The following GABPA variants were observed in gnomAD, a reference collection of about 807,000 sequenced individuals.
The protein encoded by GABPA is GA binding protein transcription factor subunit alpha, also known as GA-binding protein alpha chain.
Under a neutral mutation model 59.4 loss-of-function variants are expected in GABPA, and 4 were observed. That is an observed-to-expected ratio of 0.07 (90% CI 0.03 to 0.15). The LOEUF is 0.15. GABPA is among the 10% of genes least tolerant of loss of function. The pLI, the probability that GABPA is intolerant of heterozygous loss-of-function variation, is 1.00. For missense variants in GABPA, 251 were observed against 543.8 expected (o/e 0.46, Z 5.36); for synonymous variants, 164 against 183.1 (o/e 0.90, Z 0.84).
intron 4 of GABPA, among the ~76,000 whole-genome samples, chr21:25,751,142 C>T (rs896225535): frequency 3.3e-5 from 5 of 151,964 alleles, no homozygotes; most frequent in Non-Finnish European, 5.9e-5. Context: ...AGGGCTAATT[C>T]CATTTTGAAT....
chr21:25,750,515 TATTC>T (rs2035483656), intron 4 of GABPA, among the ~76,000 whole-genome samples: 1 of 152,224 alleles, frequency 6.6e-6, no homozygotes, highest in Non-Finnish European at 1.5e-5. Flanking sequence ...CAGTCAACCT[TATTC>T]ATTACAGTAT....
At chr21:25,749,226 G>C (rs888352272) in intron 4 of GABPA, 106 bp downstream of exon 4, 1 of 661,416 alleles carries the variant, frequency 1.5e-6, no homozygotes, top group African/African-American at 1.8e-5. Flanking sequence ...TACTTGATAT[G>C]ATATAATAGC....
chr21:25,741,120 C>T, intron 1 of GABPA, among the ~76,000 whole-genome samples: 1 of 152,060 alleles, frequency 6.6e-6, no homozygotes, highest in East Asian at 1.9e-4. Flanking sequence ...TTATAAATGT[C>T]ATTTGTGGAT....
In GABPA at chr21:25,769,378, T is replaced by C. The variant is rs550003161; in HGVS notation, c.*146T>C. ...ATTTTTTTATAAATATTTCATACTC[T>C]TGTGAATTTGGATCTTTTTACTTTG... On this transcript the variant is annotated 3_prime_UTR_variant, in exon 10 of 10. Transcript: ENST00000400075. The C allele has an allele frequency of 5.1e-6, 3 of 587,626 alleles. No homozygotes were observed. In the African/African-American group the frequency reaches 5.6e-5, roughly 11 times the overall value. 36.4% of individuals were successfully genotyped at this position (587,626 alleles called of 1,614,324 possible).
rs71651637 is a variant in GABPA, at chr21:25,764,420, G to C, written c.943+70G>C. The C allele has an allele frequency of 1.4e-3, 2,013 of 1,464,322 alleles. 19 individuals are homozygous for C. In the African/African-American group the frequency reaches 0.024, roughly 18 times the overall value. The allele number at this position is 1,464,322 out of a possible 1,614,324, so 90.7% of individuals were successfully genotyped here. A position where few individuals can be genotyped will look rare whatever the true frequency, so the allele number is the denominator to read the frequency against. ...TAGGTATATTTTGTTGTATTTTACT[G>C]TATGAAAAATGTGAATTTGGACTAT... On this transcript the variant is annotated intron_variant, in intron 8 of 9. Coordinates refer to ENST00000400075, the MANE Select transcript of GABPA (RefSeq NM_002040.4).
intron 9 of GABPA, among the ~76,000 whole-genome samples, chr21:25,766,754 A>C (rs182902319): frequency 3.3e-5 from 5 of 152,078 alleles, no homozygotes; most frequent in Non-Finnish European, 7.4e-5. Context: ...AGGAATGTAA[A>C]TTGTAACAGT....
At chr21:25,768,342 T>G (rs993467307) in intron 9 of GABPA, among the ~76,000 whole-genome samples, 3 of 152,054 alleles carry the variant, frequency 2.0e-5, no homozygotes, top group Admixed American at 2.0e-4. Context: ...ATCTGAAATT[T>G]GGAAAGCGTT....
intron 5 of GABPA, among the ~76,000 whole-genome samples, chr21:25,754,180 A>G (rs940659385): frequency 1.3e-5 from 2 of 152,226 alleles, no homozygotes; most frequent in Admixed American, 6.5e-5. Context: ...TTACCAGTTG[A>G]AATAACATTT....
chr21:25,751,491 GTTAAT>G (rs1202761704), intron 4 of GABPA, among the ~76,000 whole-genome samples: 3 of 151,416 alleles, frequency 2.0e-5, no homozygotes, highest in Non-Finnish European at 3.0e-5. Flanking sequence ...GAATTTAATG[GTTAAT>G]TTAATTTAGT....
intron 7 of GABPA, chr21:25,763,074 C>A: frequency 2.3e-6 from 1 of 431,448 alleles, no homozygotes; most frequent in Non-Finnish European, 4.5e-6. Context: ...GAAGTACAGT[C>A]TAGAAGAGTC....
chr21:25,741,088 A>G (rs1336147206), intron 1 of GABPA, among the ~76,000 whole-genome samples: 2 of 152,322 alleles, frequency 1.3e-5, no homozygotes, highest in East Asian at 3.9e-4. Flanking sequence ...GTTAATAAAC[A>G]CCAGTTTTTT....
rs1036108931 is a variant in GABPA, at chr21:25,736,372, A to C, written c.-27+794A>C. 5.3e-5 allele frequency among the ~76,000 whole-genome samples: 8 copies of C among 152,208 alleles called. No individual in the cohort carries two copies. In the East Asian group the frequency reaches 1.5e-3, roughly 29 times the overall value. Reference sequence around the variant, plus strand: ...AGGATTCACTTGAGCGAATTGTAGAACGAGGCGGTGATAACATTCTTCGGT... The same window carrying C: ...AGGATTCACTTGAGCGAATTGTAGACCGAGGCGGTGATAACATTCTTCGGT... On this transcript the variant is annotated intron_variant, in intron 1 of 9. Transcript: ENST00000400075.
At chr21:25,750,273 A>G (rs942829678) in intron 4 of GABPA, among the ~76,000 whole-genome samples, 5 of 152,228 alleles carry the variant, frequency 3.3e-5, no homozygotes, top group African/African-American at 1.2e-4. Flanking sequence ...GACTGTAAAT[A>G]CAGATGAAAC....
At chr21:25,748,880 TTAAA>T (rs1289433006) in intron 3 of GABPA, among the ~76,000 whole-genome samples, 152 bp from the exon 4 acceptor site, 1 of 152,204 alleles carries the variant, frequency 6.6e-6, no homozygotes, top group Non-Finnish European at 1.5e-5. Flanking sequence ...TGGCAAAGAA[TTAAA>T]TATGACAAGC....
Position 25,772,150 on chromosome 21 carries a change from C to A in GABPA, c.*2918C>A, listed in dbSNP as rs2036021363. ...TAAAATTCATAATTGCAAAACAAATCTGTGACTAACTTAATGTCTTCAGAT... is the reference window on the plus strand; with the variant it reads ...TAAAATTCATAATTGCAAAACAAATATGTGACTAACTTAATGTCTTCAGAT... On this transcript the variant is annotated 3_prime_UTR_variant, in exon 10 of 10. Coordinates refer to ENST00000400075, the MANE Select transcript of GABPA (RefSeq NM_002040.4). The A allele has an allele frequency of 6.6e-6, 1 of 152,012 alleles. No individual in the cohort carries two copies. Among genetic ancestry groups the A allele is most frequent in the Admixed American group, 6.6e-5 (1 of 15,260 alleles). The allele number at this position is 152,012 out of a possible 1,614,324, so 9.4% of individuals were successfully genotyped here. A position where few individuals can be genotyped will look rare whatever the true frequency, so the allele number is the denominator to read the frequency against.
intron 6 of GABPA, among the ~76,000 whole-genome samples, chr21:25,758,937 G>C (rs1468832244): frequency 6.6e-6 from 1 of 152,118 alleles, no homozygotes; most frequent in East Asian, 1.9e-4. Context: ...GGACAAGGTG[G>C]TGCGTGTCTG....
At position 25,770,818 on chromosome 21, in the gene GABPA, TTCTC is replaced by T. The variant is rs1309142299; in HGVS notation, c.*1588_*1591del. On this transcript the variant is annotated 3_prime_UTR_variant, in exon 10 of 10. Transcript: ENST00000400075. ...AGAGAGGGAGGGATCTTTGATCTCT[TTCTC>T]TGGTAATCTTAATGCATAATTTTAC... 6.6e-6 allele frequency: 1 copy of T among 152,078 alleles called. No homozygotes were observed. The highest frequency in any genetic ancestry group is 6.6e-5 in the Admixed American group (1 of 15,266). The allele number at this position is 152,078 out of a possible 1,614,324, so 9.4% of individuals were successfully genotyped here.
chr21:25,756,303 A>G (rs1352756427), intron 5 of GABPA, among the ~76,000 whole-genome samples: 1 of 152,154 alleles, frequency 6.6e-6, no homozygotes, highest in Non-Finnish European at 1.5e-5. Context: ...TTCAAGTAGT[A>G]TAGTACTCAC....
intron 6 of GABPA, among the ~76,000 whole-genome samples, chr21:25,761,691 A>G (rs2035769894): frequency 6.6e-6 from 1 of 152,218 alleles, no homozygotes; most frequent in Admixed American, 6.5e-5. Context: ...TAAGTAGGGA[A>G]TAACAACAGA....
Sources: gnomAD v4.1 joint callset for allele counts (sites outside exome capture counted in the v4.1 genomes callset) on GRCh38, gnomAD v4.1.1 for gene constraint, MANE v1.5 for transcripts, NCBI Gene and HGNC (gene_info 2026-07-23, HGNC 2026-07-21) for gene names.